The following PIGK variants were observed in gnomAD, a reference collection of about 807,000 sequenced individuals.
The protein encoded by PIGK is GPI-anchor transamidase.
Under a neutral mutation model 50.6 loss-of-function variants are expected in PIGK, and 42 were observed. That is an observed-to-expected ratio of 0.83 (90% CI 0.65 to 1.07). The LOEUF (loss-of-function observed/expected upper bound fraction) is 1.07, where lower values mean the gene tolerates loss of function less well. PIGK is among the 50% of genes least tolerant of loss of function. PIGK has a pLI of 0.00. For missense variants in PIGK, 448 were observed against 488.7 expected, an observed-to-expected ratio of 0.92 and a Z score of 0.78; for synonymous variants, 151 against 156.0, an observed-to-expected ratio of 0.97 and a Z score of 0.24.
chr1:77,177,199 T>C (rs1257216077), intron 3 of PIGK, among the ~76,000 whole-genome samples: 2 of 151,622 alleles, frequency 1.3e-5, no homozygotes, highest in African/African-American at 2.4e-5. Flanking sequence ...AAGCTTTTTA[T>C]GGTTCACTGA....
At chr1:77,108,889 C>A (rs1570186289) in intron 10 of PIGK, among the ~76,000 whole-genome samples, 1 of 152,164 alleles carries the variant, frequency 6.6e-6, no homozygotes, top group Non-Finnish European at 1.5e-5. Flanking sequence ...GAATTGGCTA[C>A]TGAAGCGTGT....
intron 10 of PIGK, among the ~76,000 whole-genome samples, chr1:77,116,184 T>C (rs540135362): frequency 1.3e-5 from 2 of 151,980 alleles, no homozygotes; most frequent in South Asian, 2.1e-4. Context: ...CTCTCACACA[T>C]CTTTCTCTTT....
At chr1:77,219,103 G>A (rs568008006) in intron 1 of PIGK, among the ~76,000 whole-genome samples, 13 of 152,308 alleles carry the variant, frequency 8.5e-5, no homozygotes, top group African/African-American at 3.1e-4. Context: ...CTGTCTCCGA[G>A]GGTTTGATTA....
chr1:77,174,175 A>G (rs1036520187), intron 3 of PIGK, among the ~76,000 whole-genome samples: 4 of 152,210 alleles, frequency 2.6e-5, no homozygotes, highest in African/African-American at 4.8e-5. Context: ...CTTCCCCTCC[A>G]TAAACTGTAT....
intron 9 of PIGK, 83 bp from the exon 10 acceptor site, chr1:77,122,442 A>C (rs1654122090): frequency 2.7e-5 from 20 of 744,470 alleles, no homozygotes; most frequent in Non-Finnish European, 4.6e-6. Flanking sequence ...TCAAATATGA[A>C]ATATAGTAAA....
chr1:77,152,077 G>A (rs370715320), intron 9 of PIGK, among the ~76,000 whole-genome samples: 4 of 152,072 alleles, frequency 2.6e-5, no homozygotes, highest in African/African-American at 4.8e-5. Flanking sequence ...AAAGCTGGAC[G>A]CATCATACTA....
intron 3 of PIGK, among the ~76,000 whole-genome samples, chr1:77,193,613 G>T (rs759549764): frequency 6.6e-6 from 1 of 152,116 alleles, no homozygotes; most frequent in African/African-American, 2.4e-5. Flanking sequence ...ATTTCCAAGG[G>T]AACAAAGTTA....
intron 9 of PIGK, chr1:77,154,212 A>G: frequency 1.9e-6 from 1 of 522,180 alleles, no homozygotes; most frequent in Non-Finnish European, 3.3e-6. Context: ...CTGAACCACT[A>G]GCAAGATTGT....
chr1:77,123,620 C>T (rs1570200020), intron 9 of PIGK, among the ~76,000 whole-genome samples: 1 of 151,574 alleles, frequency 6.6e-6, no homozygotes, highest in African/African-American at 2.4e-5. Flanking sequence ...ATGGTGGCTG[C>T]CAGGAGCTGG....
At chr1:77,180,318 G>A (rs1228313935) in intron 3 of PIGK, among the ~76,000 whole-genome samples, 2 of 152,122 alleles carry the variant, frequency 1.3e-5, no homozygotes, top group African/African-American at 2.4e-5. Context: ...TATAGCAAGT[G>A]TAGTTACACA....
chr1:77,118,471 C>T (rs754040668), intron 10 of PIGK, among the ~76,000 whole-genome samples: 9 of 152,188 alleles, frequency 5.9e-5, no homozygotes, highest in South Asian at 2.1e-4. Flanking sequence ...CTTTTCATTT[C>T]GATGTATAGA....
In PIGK at chr1:77,163,956, T is replaced by TA. The variant is rs1443143721; in HGVS notation, c.488-15dup. 2.1e-6 allele frequency: 3 copies of TA among 1,448,696 alleles called. No homozygotes were observed. Among genetic ancestry groups the TA allele is most frequent in the Non-Finnish European group, 9.6e-7 (1 of 1,042,594 alleles). 89.7% of individuals were successfully genotyped at this position (1,448,696 alleles called of 1,614,324 possible). On this transcript the variant is annotated splice_polypyrimidine_tract_variant and intron_variant, in intron 5 of 10. Coordinates refer to ENST00000370812, the MANE Select transcript of PIGK (RefSeq NM_005482.3). ...TTCCACCATGCCCTTGTATAAAGAGTAAAAAAGATCAATAGATTTTTTAAT... is the reference window on the plus strand; with the variant it reads ...TTCCACCATGCCCTTGTATAAAGAGTAAAAAAAGATCAATAGATTTTTTAAT...
chr1:77,105,067 T>C (rs1182726206), intron 10 of PIGK, among the ~76,000 whole-genome samples: 1 of 151,992 alleles, frequency 6.6e-6, no homozygotes, highest in Admixed American at 6.6e-5. Flanking sequence ...AAGAATAAGG[T>C]TGTGTAGACA....
chr1:77,143,410 TA>T (rs1448858183), intron 9 of PIGK, among the ~76,000 whole-genome samples: 3 of 152,044 alleles, frequency 2.0e-5, no homozygotes, highest in African/African-American at 7.2e-5. Flanking sequence ...CCATCCTTTA[TA>T]AAAAATTTTT....
Position 77,091,785 on chromosome 1 carries a change from G to A in PIGK, c.*589C>T, listed in dbSNP as rs1653306106. 1 of 152,062 alleles carries A rather than the reference G, an allele frequency of 6.6e-6. No homozygotes were observed. Among genetic ancestry groups the A allele is most frequent in the African/African-American group, 2.4e-5 (1 of 41,420 alleles). The allele number at this position is 152,062 out of a possible 1,614,324, so 9.4% of individuals were successfully genotyped here. ...TAATACATTAAAGAATAAACCAAAGGAAAACATTTGGTACAATGTAAGTGG... is the reference window on the plus strand; with the variant it reads ...TAATACATTAAAGAATAAACCAAAGAAAAACATTTGGTACAATGTAAGTGG... On this transcript the variant is annotated 3_prime_UTR_variant, in exon 11 of 11. Transcript: ENST00000370812.
At chr1:77,115,074 A>G (rs1653932003) in intron 10 of PIGK, among the ~76,000 whole-genome samples, 1 of 152,210 alleles carries the variant, frequency 6.6e-6, no homozygotes, top group Non-Finnish European at 1.5e-5. Flanking sequence ...TTTAGCTGTA[A>G]TGGGGTAGGT....
chr1:77,206,530 A>ATTT, intron 3 of PIGK, 110 bp downstream of exon 3: 5 of 589,400 alleles, frequency 8.5e-6, no homozygotes, highest in East Asian at 6.2e-5. Flanking sequence ...TTCAAATCAG[A>ATTT]TTTTTTTTTT....
rs576614247 is a variant in PIGK at position 77,103,436 on chromosome 1, T to A, written c.1072-10946A>T. The stretch of plus-strand genomic sequence containing the variant: ...GTGTCTGTTTAGGGGTAATCAGAGT[T>A]ATGCTTCCACCTATGACAAATTAAA... On this transcript the variant is annotated intron_variant, in intron 10 of 10. Coordinates refer to ENST00000370812, the MANE Select transcript of PIGK (RefSeq NM_005482.3). 3.9e-5 allele frequency among the ~76,000 whole-genome samples: 6 copies of A among 152,362 alleles called. No homozygotes were observed. In the South Asian group the frequency reaches 1.2e-3, roughly 32 times the overall value.
chr1:77,171,863 A>C (rs1655371186), intron 3 of PIGK, among the ~76,000 whole-genome samples: 1 of 152,190 alleles, frequency 6.6e-6, no homozygotes, highest in African/African-American at 2.4e-5. Context: ...ACAGTACTTA[A>C]GCATATAAAT....
Sources: gnomAD v4.1 joint callset for allele counts (sites outside exome capture counted in the v4.1 genomes callset) on GRCh38, gnomAD v4.1.1 for gene constraint, MANE v1.5 for transcripts, NCBI Gene and HGNC (gene_info 2026-07-23, HGNC 2026-07-21) for gene names.